The following TFEC variants were observed in gnomAD, a reference collection of about 807,000 sequenced individuals.
TFEC encodes the protein class E basic helix-loop-helix protein 34.
In TFEC, 31 loss-of-function variants were observed where a neutral mutation model predicts 41.6. That is an observed-to-expected ratio of 0.74 (90% CI 0.56 to 1.01). The LOEUF (loss-of-function observed/expected upper bound fraction) is 1.01, where lower values mean the gene tolerates loss of function less well. TFEC is among the 50% of genes least tolerant of loss of function. The pLI is 0.00. For synonymous variants in TFEC, 143 were observed against 140.6 expected (o/e 1.02, Z -0.12); for missense variants, 402 against 404.1 (o/e 0.99, Z 0.04).
In TFEC at chr7:116,025,489, G is replaced by C. The variant is rs186131919; in HGVS notation, c.-73+5144C>G. Among the ~76,000 whole-genome samples, 6 of 152,218 alleles carry C rather than the reference G, an allele frequency of 3.9e-5. No homozygotes were observed. The East Asian group carries it at 1.2e-3, about 29-fold the overall frequency. ...CTGCTCTTCAGGTACAAGAGACCTA[G>C]ATTTAAGCACCACCAGACACTTCAA... On this transcript the variant is annotated intron_variant, in intron 1 of 7. Transcript: ENST00000265440.
intron 1 of TFEC, among the ~76,000 whole-genome samples, chr7:116,155,222 T>A (rs911919759): frequency 1.3e-5 from 2 of 152,194 alleles, no homozygotes; most frequent in African/African-American, 4.8e-5. Flanking sequence ...ATCTAATCGA[T>A]TCTGAGGAAT....
chr7:116,006,378 T>G (rs973173173), intron 1 of TFEC, among the ~76,000 whole-genome samples: 1 of 152,156 alleles, frequency 6.6e-6, no homozygotes, highest in Non-Finnish European at 1.5e-5. Flanking sequence ...AATCCACCTC[T>G]TGCATCTGTG....
chr7:116,118,838 G>T (rs1221744026), intron 1 of TFEC, among the ~76,000 whole-genome samples: 1 of 151,840 alleles, frequency 6.6e-6, no homozygotes, highest in Non-Finnish European at 1.5e-5. Flanking sequence ...TTCTCTGGAG[G>T]TTTATAATGA....
At chr7:115,982,295 A>T (rs1235550756) in intron 2 of TFEC, among the ~76,000 whole-genome samples, 1 of 152,188 alleles carries the variant, frequency 6.6e-6, no homozygotes, top group Non-Finnish European at 1.5e-5. Flanking sequence ...TTTAAAATTC[A>T]AGCATCAAAA....
intron 1 of TFEC, among the ~76,000 whole-genome samples, chr7:116,144,283 T>G (rs909877295): frequency 2.0e-5 from 3 of 152,036 alleles, no homozygotes; most frequent in Admixed American, 6.5e-5. Context: ...ATCACTCATC[T>G]AGGTATTTGG....
At chr7:116,069,557 C>T (rs1796776785) in intron 3 of TFEC, among the ~76,000 whole-genome samples, 1 of 151,684 alleles carries the variant, frequency 6.6e-6, no homozygotes, top group African/African-American at 2.4e-5. Context: ...AGTGATGTGT[C>T]ATGATTATAA....
chr7:115,956,528 A>G (rs1340826548), intron 4 of TFEC, 151 bp downstream of exon 4: 6 of 505,164 alleles, frequency 1.2e-5, no homozygotes, highest in Non-Finnish European at 2.1e-5. Context: ...CTGCTTGATT[A>G]TCATAAAAAG....
chr7:116,061,642 C>T (rs887794965), intron 3 of TFEC, among the ~76,000 whole-genome samples: 2 of 151,410 alleles, frequency 1.3e-5, no homozygotes, highest in African/African-American at 4.9e-5. Context: ...CATCAAAATA[C>T]ACTGTTGAGA....
At chr7:115,948,467 G>A (rs1290714470) in intron 6 of TFEC, among the ~76,000 whole-genome samples, 1 of 152,084 alleles carries the variant, frequency 6.6e-6, no homozygotes, top group Non-Finnish European at 1.5e-5. Flanking sequence ...CTGGCAAACT[G>A]AATCCAGCAG....
At chr7:116,066,266 A>G (rs12535544) in intron 3 of TFEC, among the ~76,000 whole-genome samples, 94,021 of 151,994 alleles carry the variant, frequency 0.62, 29,721 homozygotes, top group African/African-American at 0.75. Context: ...AAGATCAAAT[A>G]TACTCATTGG....
At chr7:115,952,125 T>C (rs1238241332) in intron 5 of TFEC, among the ~76,000 whole-genome samples, 1 of 152,104 alleles carries the variant, frequency 6.6e-6, no homozygotes. Flanking sequence ...TTGGTGAACT[T>C]ACTCTACAAA....
chr7:116,067,551 T>A (rs1796723664), intron 3 of TFEC, among the ~76,000 whole-genome samples: 2 of 152,032 alleles, frequency 1.3e-5, no homozygotes, highest in South Asian at 4.1e-4. Flanking sequence ...CATAGGGCAA[T>A]TTCTTCTTAT....
intron 3 of TFEC, among the ~76,000 whole-genome samples, chr7:116,067,937 TC>T (rs1796733184): frequency 6.6e-6 from 1 of 151,794 alleles, no homozygotes; most frequent in African/African-American, 2.4e-5. Flanking sequence ...AGCCTATACC[TC>T]CCTGAAAATC....
chr7:116,064,807 G>T lies in TFEC; in HGVS notation c.198+45901C>A, dbSNP rs574682099. 3.3e-5 allele frequency among the ~76,000 whole-genome samples: 5 copies of T among 152,208 alleles called. No homozygotes were observed. In the East Asian group the frequency reaches 5.8e-4, roughly 18 times the overall value. Reference sequence around the variant, plus strand: ...GCACCATGGAAAATCAAGGAGTTCTGGGCCTTAAAGCAAAAAAGTCTCCAG... The same window carrying T: ...GCACCATGGAAAATCAAGGAGTTCTTGGCCTTAAAGCAAAAAAGTCTCCAG... On this transcript the variant is annotated intron_variant, in intron 3 of 8. Transcript: ENST00000484212.
chr7:115,978,979 C>A (rs1402162998), intron 2 of TFEC, among the ~76,000 whole-genome samples: 2 of 152,158 alleles, frequency 1.3e-5, no homozygotes, highest in African/African-American at 4.8e-5. Context: ...CGTATGCTGA[C>A]AACCTCAAAT....
At chr7:116,099,814 A>G (rs1797563987) in intron 3 of TFEC, among the ~76,000 whole-genome samples, 1 of 152,240 alleles carries the variant, frequency 6.6e-6, no homozygotes, top group Non-Finnish European at 1.5e-5. Flanking sequence ...TAACTAATAC[A>G]GCATATTATT....
intron 3 of TFEC, among the ~76,000 whole-genome samples, chr7:116,074,789 CAT>C (rs1207737889): frequency 6.6e-6 from 1 of 152,172 alleles, no homozygotes; most frequent in Admixed American, 6.6e-5. Context: ...CAAAATGAAA[CAT>C]ATATATTCAT....
chr7:115,947,863 G>A lies in TFEC; in HGVS notation c.515+3011C>T, dbSNP rs1053014716. On this transcript the variant is annotated intron_variant, in intron 6 of 7. Transcript: ENST00000265440. ...AACTAAAATCAGAGCAGAACTGAAG[G>A]AAATAGAGACACAAAAAACCCTTCA... Among the ~76,000 whole-genome samples the A allele has an allele frequency of 2.3e-3, 347 of 152,100 alleles. 2 individuals carry two copies. The highest frequency in any genetic ancestry group is 4.1e-3 in the Non-Finnish European group (278 of 68,002).
At chr7:115,993,744 T>C (rs1015997907) in intron 1 of TFEC, among the ~76,000 whole-genome samples, 4 of 152,168 alleles carry the variant, frequency 2.6e-5, no homozygotes, top group African/African-American at 7.2e-5. Flanking sequence ...TGCTCGTGGA[T>C]AGGAAGAATC....
Sources: allele counts gnomAD v4.1 joint callset (sites outside exome capture counted in the v4.1 genomes callset), GRCh38; gene constraint gnomAD v4.1.1; transcripts MANE v1.5; gene names NCBI Gene and HGNC (gene_info 2026-07-23, HGNC 2026-07-21).